SPI1: variants seen among roughly 807,000 people sequenced by gnomAD.
SPI1 encodes transcription factor PU.1.
In SPI1, 3 loss-of-function variants were observed where a neutral mutation model predicts 30.7. That is an observed-to-expected ratio of 0.10 (90% CI 0.04 to 0.25). SPI1 has a LOEUF of 0.25. SPI1 is among the 10% of genes least tolerant of loss of function. The pLI, the probability that SPI1 is intolerant of heterozygous loss-of-function variation, is 1.00. For synonymous variants in SPI1, 169 were observed against 157.1 expected, an observed-to-expected ratio of 1.08 and a Z score of -0.56; for missense variants, 261 against 371.5, an observed-to-expected ratio of 0.70 and a Z score of 2.45.
intron 2 of SPI1, 66 bp from the exon 3 acceptor site, chr11:47,360,106 T>C (rs1220473574): frequency 1.5e-6 from 2 of 1,318,128 alleles, no homozygotes; most frequent in Non-Finnish European, 2.0e-6. Flanking sequence ...AAGGTTATAG[T>C]AACATTAAAT....
chr11:47,368,699 G>A (rs970287394), intron 2 of SPI1, among the ~76,000 whole-genome samples: 2 of 152,182 alleles, frequency 1.3e-5, no homozygotes, highest in African/African-American at 2.4e-5. Flanking sequence ...CCACTCATGC[G>A]GGGTACCTAG....
intron 2 of SPI1, among the ~76,000 whole-genome samples, chr11:47,362,169 C>T (rs2095921734): frequency 6.6e-6 from 1 of 152,120 alleles, no homozygotes; most frequent in Non-Finnish European, 1.5e-5. Context: ...AAGCAAATGA[C>T]CTATTGCTTG....
At chr11:47,373,658 A>AG (rs1448926716) in intron 2 of SPI1, among the ~76,000 whole-genome samples, 1 of 151,968 alleles carries the variant, frequency 6.6e-6, no homozygotes, top group East Asian at 1.9e-4. Context: ...AAAAAAAAAA[A>AG]AAAGAAAAGG....
chr11:47,362,570 CTTTTT>C (rs377422572), intron 2 of SPI1, among the ~76,000 whole-genome samples: 10 of 108,044 alleles, frequency 9.3e-5, no homozygotes, highest in South Asian at 3.7e-4. Flanking sequence ...GACCCTGTCT[CTTTTT>C]TTTTTTTTTT....
chr11:47,357,228 CAT>C (rs1370564040), intron 4 of SPI1, among the ~76,000 whole-genome samples: 2 of 151,534 alleles, frequency 1.3e-5, no homozygotes, highest in African/African-American at 4.9e-5. Context: ...CATGCTCACA[CAT>C]ATGCTCACAC....
intron 2 of SPI1, among the ~76,000 whole-genome samples, chr11:47,361,713 A>C (rs1175913984): frequency 2.0e-5 from 3 of 152,158 alleles, no homozygotes; most frequent in Non-Finnish European, 4.4e-5. Context: ...AAAGGTGTAC[A>C]CATGTCTGCC....
rs2095933421 is a variant in SPI1 at position 47,369,923 on chromosome 11, A to T, written c.142+5710T>A. ...AGGCACTGTTCTAAGCATTTGACAT[A>T]CAGTAGCTCGTTCAGTCCTTACAGC... is the stretch of plus-strand genomic sequence containing the variant. On this transcript the variant is annotated intron_variant, in intron 2 of 4. Coordinates refer to ENST00000378538, the MANE Select transcript of SPI1 (RefSeq NM_003120.3). Among the ~76,000 whole-genome samples, 6 of 152,232 alleles carry T rather than the reference A, an allele frequency of 3.9e-5. No homozygotes were observed. The South Asian group carries it at 1.2e-3, about 32-fold the overall frequency.
Position 47,359,915 on chromosome 11 carries a change from G to C in SPI1, c.268C>G (p.Leu90Val). Reference sequence around the variant, plus strand: ...GTATCGAGGACGTGCATCTGCTCCAGCTCCATGTGGCGGTAGAGCTGCTGC... The same window carrying C: ...GTATCGAGGACGTGCATCTGCTCCACCTCCATGTGGCGGTAGAGCTGCTGC... ...QLQQLYRHMELEQMHVLDTPM... is the reference protein window; with the variant it reads ...QLQQLYRHMEVEQMHVLDTPM... The change falls in exon 3 of 5, where the codon CTG becomes GTG. Residue 90 changes from leucine (L) to valine (V), a missense_variant. Leu to Val is a conservative substitution (Grantham distance 32). Around this residue, in one of 5 missense-constraint regions of SPI1, gnomAD observed 10 missense variants for 31.6 expected, o/e 0.32. Coordinates refer to ENST00000378538, the MANE Select transcript of SPI1 (RefSeq NM_003120.3). The surrounding 1 kb of genome is among the most constrained non-coding windows in gnomAD (Gnocchi z 5.1). The C allele has an allele frequency of 6.2e-7, 1 of 1,611,086 alleles. No individual in the cohort carries two copies. The highest frequency in any genetic ancestry group is 8.5e-7 in the Non-Finnish European group (1 of 1,179,850).
At chr11:47,356,454 C>T (rs930164836) in intron 4 of SPI1, among the ~76,000 whole-genome samples, 4 of 151,090 alleles carry the variant, frequency 2.6e-5, no homozygotes, top group African/African-American at 7.3e-5. Context: ...ACACTCAGAC[C>T]CACTTACTGC....
chr11:47,364,263 G>A (rs552322307), intron 2 of SPI1, among the ~76,000 whole-genome samples: 1 of 151,930 alleles, frequency 6.6e-6, no homozygotes. Flanking sequence ...TGTTAGCCAG[G>A]ATGGTCGCGA....
At chr11:47,367,970 G>C (rs563727314) in intron 2 of SPI1, among the ~76,000 whole-genome samples, 59 of 151,998 alleles carry the variant, frequency 3.9e-4, no homozygotes, top group Admixed American at 3.9e-4. Flanking sequence ...TGTTAGCCAG[G>C]TCTCAATCTC....
intron 4 of SPI1, among the ~76,000 whole-genome samples, chr11:47,355,784 C>T (rs1300322041): frequency 7.2e-6 from 1 of 138,196 alleles, no homozygotes; most frequent in Non-Finnish European, 1.6e-5. Flanking sequence ...ACCCCCCCCA[C>T]GCGCACACAC....
In SPI1 at chr11:47,375,546, T is replaced by A; in HGVS notation, c.142+87A>T. 1 of 1,073,796 alleles carries A rather than the reference T, an allele frequency of 9.3e-7. No individual in the cohort carries two copies. The highest frequency in any genetic ancestry group is 1.4e-6 in the Non-Finnish European group (1 of 701,566). The allele number at this position is 1,073,796 out of a possible 1,614,324, so 66.5% of individuals were successfully genotyped here. A position where few individuals can be genotyped will look rare whatever the true frequency, so the allele number is the denominator to read the frequency against. On this transcript the variant is annotated intron_variant, in intron 2 of 4. Transcript: ENST00000378538. This position sits in a 1 kb window ranked among gnomAD's most constrained non-coding sequence, Gnocchi z 4.2. ...GATTCTCAGAATTCCAAAGAAGTCC[T>A]GGGAATCATTTATTCTTTTTCTCTC... is the stretch of plus-strand genomic sequence containing the variant.
chr11:47,374,918 C>T lies in SPI1; in HGVS notation c.142+715G>A, dbSNP rs542111266. ...TCCCACTTCAGCAAACTGGGGGCCT[C>T]GGCCTCTGCTGAACAAGAGGTTCTC... On this transcript the variant is annotated intron_variant, in intron 2 of 4. Transcript: ENST00000378538. The surrounding 1 kb of genome is among the most constrained non-coding windows in gnomAD (Gnocchi z 4.5). Among the ~76,000 whole-genome samples, 74 of 152,360 alleles carry T rather than the reference C, an allele frequency of 4.9e-4. No individual in the cohort carries two copies. Among genetic ancestry groups the T allele is most frequent in the African/African-American group, 1.7e-3 (71 of 41,586 alleles).
At chr11:47,372,904 C>T (rs2095937753) in intron 2 of SPI1, among the ~76,000 whole-genome samples, 1 of 152,232 alleles carries the variant, frequency 6.6e-6, no homozygotes, top group Non-Finnish European at 1.5e-5. Context: ...CAAGTTTTCA[C>T]AGCTGGTAAG....
chr11:47,355,557 G>A lies in SPI1; in HGVS notation c.494-11C>T. On this transcript the variant is annotated splice_polypyrimidine_tract_variant and intron_variant, in intron 4 of 4. Coordinates refer to ENST00000378538, the MANE Select transcript of SPI1 (RefSeq NM_003120.3). ...TCTTCTTCTTGCTGCCTGCGGGGGG[G>A]AGGGCCCGGTGGGAGGGGGCCCGGG... 1 of 1,559,492 alleles carries A rather than the reference G, an allele frequency of 6.4e-7. No individual in the cohort carries two copies. Among genetic ancestry groups the A allele is most frequent in the Non-Finnish European group, 8.7e-7 (1 of 1,150,288 alleles).
chr11:47,369,071 C>G (rs1450271979), intron 2 of SPI1, among the ~76,000 whole-genome samples: 3 of 152,046 alleles, frequency 2.0e-5, no homozygotes, highest in Non-Finnish European at 4.4e-5. Context: ...CATGGTGAAA[C>G]CCTGTCTCTA....
rs1460098135 is a variant in SPI1, at chr11:47,375,199, C to T, written c.142+434G>A. 3.9e-5 allele frequency among the ~76,000 whole-genome samples: 6 copies of T among 152,090 alleles called. No homozygotes were observed. Among genetic ancestry groups the T allele is most frequent in the Admixed American group, 2.0e-4 (3 of 15,276 alleles). On this transcript the variant is annotated intron_variant, in intron 2 of 4. Transcript: ENST00000378538. This position sits in a 1 kb window ranked among gnomAD's most constrained non-coding sequence, Gnocchi z 4.2. Reference sequence around the variant, plus strand: ...CACATGGCAGGAAGTGCGGATGTGCCGGCGGGGAGTTTGGGACAGAGAGTG... The same window carrying T: ...CACATGGCAGGAAGTGCGGATGTGCTGGCGGGGAGTTTGGGACAGAGAGTG...
chr11:47,357,478 T>C (rs2095913132), intron 4 of SPI1, among the ~76,000 whole-genome samples: 1 of 151,440 alleles, frequency 6.6e-6, no homozygotes, highest in African/African-American at 2.4e-5. Flanking sequence ...CACACTCAAA[T>C]GCTCACACAC....
Sources: gnomAD v4.1 joint callset for allele counts (sites outside exome capture counted in the v4.1 genomes callset) on GRCh38, gnomAD v4.1.1 for gene constraint, gnomAD v4.1.1 regional missense constraint, Gnocchi (gnomAD v3.1) non-coding constraint, MANE v1.5 for transcripts, NCBI Gene and HGNC (gene_info 2026-07-23, HGNC 2026-07-21) for gene names.